TENM3: variants seen among roughly 807,000 people sequenced by gnomAD.
The protein encoded by TENM3 is teneurin transmembrane protein 3, also known as teneurin-3.
A neutral mutation model predicts 255.1 loss-of-function variants in TENM3; 63 were observed. The ratio of observed to expected loss-of-function variants is 0.25; its 90% CI spans 0.20 to 0.30. The LOEUF (loss-of-function observed/expected upper bound fraction) is 0.30, where lower values mean the gene tolerates loss of function less well. Ranked by LOEUF, TENM3 falls within the 10% of genes least tolerant of loss-of-function variation. The probability of loss-of-function intolerance (pLI) is 1.00; values close to 1 mark genes in which losing one functional copy is unlikely to be tolerated. For missense variants in TENM3, 2,929 were observed against 3,461.1 expected (o/e 0.85, Z 3.86); for synonymous variants, 1,306 against 1,322.3 (o/e 0.99, Z 0.27).
At chr4:182,467,558 A>G (rs994029736) in intron 3 of TENM3, among the ~76,000 whole-genome samples, 1 of 152,192 alleles carries the variant, frequency 6.6e-6, no homozygotes, top group Admixed American at 6.5e-5. Flanking sequence ...CTAAAGTGTT[A>G]TGTTCCCGAG....
chr4:181,765,779 G>A, the TENM3 span, among the ~76,000 whole-genome samples: 1 of 152,186 alleles, frequency 6.6e-6, no homozygotes, highest in Non-Finnish European at 1.5e-5. Context: ...CAGTACAGCT[G>A]CAATCTTGGA....
At chr4:182,396,922 A>T (rs1023929388) in intron 3 of TENM3, among the ~76,000 whole-genome samples, 1 of 152,000 alleles carries the variant, frequency 6.6e-6, no homozygotes, top group African/African-American at 2.4e-5. Context: ...AAATCGCACC[A>T]CTGCCCTCCA....
chr4:182,376,326 T>C (rs1767176545), intron 3 of TENM3, among the ~76,000 whole-genome samples: 1 of 152,174 alleles, frequency 6.6e-6, no homozygotes, highest in Non-Finnish European at 1.5e-5. Context: ...TATAATTGAA[T>C]TTTCAATATT....
chr4:181,781,036 A>G, the TENM3 span, among the ~76,000 whole-genome samples: 1 of 152,094 alleles, frequency 6.6e-6, no homozygotes, highest in Admixed American at 6.6e-5. Flanking sequence ...CTTGTAGTGT[A>G]GTTTGAAGTC....
At chr4:181,709,419 A>AGGGTATGAG in the TENM3 span, among the ~76,000 whole-genome samples, 1 of 152,230 alleles carries the variant, frequency 6.6e-6, no homozygotes, top group African/African-American at 2.4e-5. Flanking sequence ...AAGTAGCCCC[A>AGGGTATGAG]GGGTATGAGG....
In TENM3 at chr4:182,582,651, C is replaced by CT. The variant is rs527465694; in HGVS notation, c.512-18266dup. Among the ~76,000 whole-genome samples, 633 of 151,906 alleles carry CT rather than the reference C, an allele frequency of 4.2e-3. 4 individuals carry two copies. The highest frequency in any genetic ancestry group is 0.015 in the African/African-American group (602 of 41,452). On this transcript the variant is annotated intron_variant, in intron 3 of 27. Transcript: ENST00000511685. ...AAAATAGAGGAGAACTATATAAGTCCTTTTTTTAAAAAAGTAGCAAACAGT... is the reference window on the plus strand; with the variant it reads ...AAAATAGAGGAGAACTATATAAGTCCTTTTTTTTAAAAAAGTAGCAAACAGT...
chr4:181,860,641 A>G, the TENM3 span, among the ~76,000 whole-genome samples: 1 of 152,218 alleles, frequency 6.6e-6, no homozygotes, highest in East Asian at 1.9e-4. Context: ...CGAAGGGCAG[A>G]GGCCCTGTCT....
At chr4:181,548,931 G>T in the TENM3 span, among the ~76,000 whole-genome samples, 1 of 152,232 alleles carries the variant, frequency 6.6e-6, no homozygotes, top group Non-Finnish European at 1.5e-5. Flanking sequence ...TAGAATCAAG[G>T]TAAAAACAGA....
chr4:182,571,897 T>TTTA (rs1378855794), intron 3 of TENM3, among the ~76,000 whole-genome samples: 1 of 151,878 alleles, frequency 6.6e-6, no homozygotes, highest in African/African-American at 2.4e-5. Flanking sequence ...GATAAAACTG[T>TTTA]TTATTGTTGT....
At chr4:181,529,937 A>G in the TENM3 span, among the ~76,000 whole-genome samples, 1 of 152,232 alleles carries the variant, frequency 6.6e-6, no homozygotes, top group Non-Finnish European at 1.5e-5. Context: ...GACCAAAGTC[A>G]TTCCAAGTGT....
the TENM3 span, among the ~76,000 whole-genome samples, chr4:181,715,194 G>A: frequency 6.6e-6 from 1 of 152,052 alleles, no homozygotes; most frequent in Non-Finnish European, 1.5e-5. Flanking sequence ...CTACTATGTC[G>A]GTCACCTCAG....
chr4:181,922,343 C>A, the TENM3 span, among the ~76,000 whole-genome samples: 6 of 152,036 alleles, frequency 3.9e-5, no homozygotes, highest in Admixed American at 6.6e-5. Context: ...GGTAGAATTC[C>A]GCTGTGAATC....
intron 2 of TENM3, among the ~76,000 whole-genome samples, chr4:182,345,001 C>CT (rs532673874): frequency 6.6e-6 from 1 of 152,156 alleles, no homozygotes; most frequent in Non-Finnish European, 1.5e-5. Context: ...GCGCTTTTTC[C>CT]TTTTTTTCTC....
In TENM3 at chr4:182,802,619, T is replaced by G. The variant is rs997017525; in HGVS notation, c.*2268T>G. ...ACCGATAAATAACAGATTTGGAGTA[T>G]CTCCTGGTGCTTATTTTAGATGATG... is the stretch of plus-strand genomic sequence containing the variant. On this transcript the variant is annotated 3_prime_UTR_variant, in exon 28 of 28. Transcript: ENST00000511685. The G allele has an allele frequency of 6.6e-6, 1 of 152,618 alleles. No individual in the cohort carries two copies. The highest frequency in any genetic ancestry group is 2.4e-5 in the African/African-American group (1 of 41,444). 9.5% of individuals were successfully genotyped at this position (152,618 alleles called of 1,614,324 possible).
intron 1 of TENM3, 23 bp downstream of exon 1, chr4:182,243,499 G>A (rs961437709): frequency 3.9e-5 from 6 of 152,418 alleles, no homozygotes; most frequent in African/African-American, 1.4e-4. Context: ...GTCATCTGTA[G>A]AGAGGTGGGA....
At chr4:182,746,422 G>A (rs1042607472) in intron 19 of TENM3, among the ~76,000 whole-genome samples, 1 of 152,174 alleles carries the variant, frequency 6.6e-6, no homozygotes, top group Non-Finnish European at 1.5e-5. Context: ...GAGACTGGGG[G>A]AGAGCTGAGC....
intron 1 of TENM3, among the ~76,000 whole-genome samples, chr4:182,312,006 A>G (rs2150421564): frequency 6.6e-6 from 1 of 152,376 alleles, no homozygotes; most frequent in Middle Eastern, 3.4e-3. Flanking sequence ...TTTTCCAAGA[A>G]ATAAATGGAA....
intron 3 of TENM3, chr4:182,449,209 T>TGGCGGC (rs1554068639): frequency 0.28 from 14,320 of 52,014 alleles, 731 homozygotes; most frequent in African/African-American, 0.33. Context: ...GTGGCGGTGG[T>TGGCGGC]GGCGGCGGCG....
At chr4:182,698,709 C>T (rs1322144585) in intron 12 of TENM3, among the ~76,000 whole-genome samples, 1 of 152,210 alleles carries the variant, frequency 6.6e-6, no homozygotes, top group African/African-American at 2.4e-5. Flanking sequence ...TTCCCTCTTT[C>T]TCCACCCTAT....
Sources: gnomAD v4.1 joint callset for allele counts (sites outside exome capture counted in the v4.1 genomes callset) on GRCh38, gnomAD v4.1.1 for gene constraint, MANE v1.5 for transcripts, NCBI Gene and HGNC (gene_info 2026-07-23, HGNC 2026-07-21) for gene names.